The following STK26 variants were observed in gnomAD, a reference collection of about 807,000 sequenced individuals.
STK26 encodes the protein serine/threonine kinase 26.
A neutral mutation model predicts 34.7 loss-of-function variants in STK26; 14 were observed. The observed-to-expected ratio is 0.40, with a 90% CI of 0.27 to 0.63. STK26 has a LOEUF of 0.63. Ranked by LOEUF, STK26 falls within the 30% of genes least tolerant of loss-of-function variation. The pLI is 0.38. For missense variants in STK26, 226 were observed against 309.1 expected (o/e 0.73, Z 2.02); for synonymous variants, 100 against 109.8 (o/e 0.91, Z 0.56).
At chrX:132,036,313 G>A (rs1187877023) in intron 2 of STK26, among the ~76,000 whole-genome samples, 1 of 112,491 alleles carries the variant, frequency 8.9e-6, no homozygotes, top group Non-Finnish European at 1.9e-5. Context: ...AAAAAATTTT[G>A]GCTGGGCTCC....
chrX:132,069,635 A>G lies in STK26; in HGVS notation c.755A>G (p.Asp252Gly). ...DFTKSFKEFI[D>G]ACLNKDPSFR... Reference sequence around the variant, plus strand: ...ACTAAGTCTTTTAAGGAGTTTATTGATGCTTGCCTGAACAAAGATCCATCA... The same window carrying G: ...ACTAAGTCTTTTAAGGAGTTTATTGGTGCTTGCCTGAACAAAGATCCATCA... The change falls in exon 7 of 12, where the codon GAT becomes GGT. Residue 252 changes from aspartate (D) to glycine (G), a missense_variant. This residue lies in a region of STK26 where 126 missense variants were observed against 132.4 expected (regional missense o/e 0.95). Transcript: ENST00000394334. 1 of 1,143,955 alleles carries G rather than the reference A, an allele frequency of 8.7e-7. No individual in the cohort carries two copies. The allele number at this position is 1,143,955 out of a possible 1,213,427, so 94.3% of individuals were successfully genotyped here. A position where few individuals can be genotyped will look rare whatever the true frequency, so the allele number is the denominator to read the frequency against.
chrX:132,073,080 GA>G lies in STK26; in HGVS notation c.1218del (p.Lys406AsnfsTer34). ...AGATAAAATGGTGAAGAAACTAATT[GA>G]AAAATTTCAAAAGTAAGTTGGAAAT... is the stretch of plus-strand genomic sequence containing the variant. ...ITDKMVKKLI[E>X]KFQKCSADES... On this transcript the variant is annotated frameshift_variant, in exon 11 of 12. Transcript: ENST00000394334. LOFTEE classifies it high-confidence loss of function. The G allele has an allele frequency of 8.4e-7, 1 of 1,187,250 alleles. No individual in the cohort carries two copies. Among genetic ancestry groups the G allele is most frequent in the Non-Finnish European group, 1.1e-6 (1 of 885,037 alleles).
intron 2 of STK26, among the ~76,000 whole-genome samples, chrX:132,032,171 C>T (rs758849150): frequency 1.8e-5 from 2 of 111,531 alleles, no homozygotes; most frequent in Non-Finnish European, 3.8e-5. Context: ...GCCTGCTGGC[C>T]TTTCTTTTCC....
chrX:132,072,512 G>T, intron 9 of STK26, 151 bp downstream of exon 9: 1 of 526,972 alleles, frequency 1.9e-6, no homozygotes, highest in Non-Finnish European at 3.1e-6. Context: ...CATTAGTTTT[G>T]AGCTAATTAA....
chrX:132,032,360 CTAAT>C (rs1271813036), intron 2 of STK26, among the ~76,000 whole-genome samples: 2 of 112,025 alleles, frequency 1.8e-5, no homozygotes, highest in African/African-American at 6.5e-5. Flanking sequence ...TGAAGATAGT[CTAAT>C]TATCTTTTTT....
intron 8 of STK26, 90 bp from the exon 9 acceptor site, chrX:132,072,178 T>C: frequency 5.9e-6 from 4 of 673,661 alleles, no homozygotes; most frequent in Non-Finnish European, 7.0e-6. Flanking sequence ...GGGACAATTA[T>C]CCCTTTAGAT....
At chrX:132,025,647 CTTTT>C (rs57313614) in intron 2 of STK26, among the ~76,000 whole-genome samples, 1 of 81,706 alleles carries the variant, frequency 1.2e-5, no homozygotes, top group African/African-American at 4.5e-5. Flanking sequence ...AGAGAGGAAT[CTTTT>C]TTTTTTTTTT....
At chrX:132,026,695 A>G (rs1935109722) in intron 2 of STK26, among the ~76,000 whole-genome samples, 1 of 112,561 alleles carries the variant, frequency 8.9e-6, no homozygotes, top group Non-Finnish European at 1.9e-5. Flanking sequence ...CGTAAGATGT[A>G]GGTGGAAGAA....
At chrX:132,043,097 A>C (rs920074540) in intron 2 of STK26, among the ~76,000 whole-genome samples, 1 of 111,960 alleles carries the variant, frequency 8.9e-6, no homozygotes, top group Non-Finnish European at 1.9e-5. Context: ...ACAAGCTTCA[A>C]ACATATTGAT....
chrX:132,031,589 T>C (rs1007978755), intron 2 of STK26, among the ~76,000 whole-genome samples: 3 of 112,084 alleles, frequency 2.7e-5, no homozygotes, highest in Non-Finnish European at 5.6e-5. Flanking sequence ...TAATATAATG[T>C]CCTCCAGTTC....
intron 2 of STK26, among the ~76,000 whole-genome samples, chrX:132,038,364 A>G (rs1001769652): frequency 9.0e-6 from 1 of 111,679 alleles, no homozygotes; most frequent in Non-Finnish European, 1.9e-5. Context: ...TAAAAGTGAC[A>G]TTTACATAAT....
chrX:132,065,114 A>G (rs1927176347), intron 4 of STK26, among the ~76,000 whole-genome samples: 1 of 111,604 alleles, frequency 9.0e-6, no homozygotes, highest in Non-Finnish European at 1.9e-5. Context: ...CTTATATCCT[A>G]AAGCCTGAGT....
Position 132,024,265 on chromosome X carries a change from G to A in STK26, c.42+606G>A, listed in dbSNP as rs192079816. On this transcript the variant is annotated intron_variant, in intron 2 of 11. Coordinates refer to ENST00000394334, the MANE Select transcript of STK26 (RefSeq NM_016542.4). The stretch of plus-strand genomic sequence containing the variant: ...GTGAGAAATGCTGGTTCTGTTCAGA[G>A]TCACTGAGGTGATGACTTCTCAGCC... 7.2e-5 allele frequency among the ~76,000 whole-genome samples: 8 copies of A among 111,466 alleles called. No homozygotes were observed. In the East Asian group the frequency reaches 2.3e-3, roughly 31 times the overall value.
At chrX:132,030,766 G>T (rs1173116706) in intron 2 of STK26, among the ~76,000 whole-genome samples, 1 of 110,563 alleles carries the variant, frequency 9.0e-6, no homozygotes, top group Non-Finnish European at 1.9e-5. Context: ...TTGTAATTAA[G>T]ACTCGAAGAA....
At chrX:132,032,971 T>C (rs1325711250) in intron 2 of STK26, among the ~76,000 whole-genome samples, 1 of 111,660 alleles carries the variant, frequency 9.0e-6, no homozygotes, top group African/African-American at 3.3e-5. Flanking sequence ...TGAGTTGCTC[T>C]GTTAGTCCCT....
chrX:132,041,095 A>G (rs1926248508), intron 2 of STK26, among the ~76,000 whole-genome samples: 1 of 111,624 alleles, frequency 9.0e-6, no homozygotes, highest in African/African-American at 3.3e-5. Flanking sequence ...CATTAAGTAG[A>G]CTCAAGGCTG....
Position 132,072,323 on chromosome X carries a change from C to T in STK26, c.988C>T (p.Arg330Ter), listed in dbSNP as rs1477057424. 2 of 1,207,503 alleles carry T rather than the reference C, an allele frequency of 1.7e-6. No individual in the cohort carries two copies. Among genetic ancestry groups the T allele is most frequent in the Admixed American group, 2.2e-5 (1 of 45,878 alleles). Residue 330 changes from arginine (R) to a stop codon, truncating the protein, a stop_gained, in exon 9 of 12, where the codon CGA becomes TGA. Coordinates refer to ENST00000394334, the MANE Select transcript of STK26 (RefSeq NM_016542.4). LOFTEE classifies it high-confidence loss of function. ...THPEWSFTTVRKKPDPKKVQN... is the reference protein window; with the variant it reads ...THPEWSFTTV ...TCCTGAATGGAGCTTTACCACCGTA[C>T]GAAAGAAGCCTGATCCAAAGAAAGT...
At chrX:132,058,949 A>G (rs1926956834) in intron 3 of STK26, among the ~76,000 whole-genome samples, 1 of 111,265 alleles carries the variant, frequency 9.0e-6, no homozygotes, top group South Asian at 3.8e-4. Context: ...GTATATACAC[A>G]CAGAGAAAGA....
rs760762452 is a variant in STK26, at chrX:132,062,406, C to A, written c.274-1027C>A. Among the ~76,000 whole-genome samples, 12 of 112,418 alleles carry A rather than the reference C, an allele frequency of 1.1e-4. No homozygotes were observed. The East Asian group carries it at 3.4e-3, about 31-fold the overall frequency. On this transcript the variant is annotated intron_variant, in intron 3 of 11. Transcript: ENST00000394334. Reference sequence around the variant, plus strand: ...GTACACCTGTTTTAGAATTTGTATACATATATTCCTCCCAGGAGCCCCATT... The same window carrying A: ...GTACACCTGTTTTAGAATTTGTATAAATATATTCCTCCCAGGAGCCCCATT...
Sources: gnomAD v4.1 joint callset for allele counts (sites outside exome capture counted in the v4.1 genomes callset) on GRCh38, gnomAD v4.1.1 for gene constraint, gnomAD v4.1.1 regional missense constraint, MANE v1.5 for transcripts, NCBI Gene and HGNC (gene_info 2026-07-23, HGNC 2026-07-21) for gene names.